Variants in CAMKMT observed in about 807,000 individuals in gnomAD.
CAMKMT encodes the protein CaM KMT.
In CAMKMT, 53 loss-of-function variants were observed where a neutral mutation model predicts 48.0. The observed-to-expected ratio is 1.10, with a 90% CI of 0.89 to 1.39. CAMKMT has a LOEUF of 1.39. Among genes scored for constraint, CAMKMT ranks in the 40% most tolerant of loss-of-function variants. The pLI is 0.00. For missense variants in CAMKMT, 428 were observed against 402.7 expected, an observed-to-expected ratio of 1.06 and a Z score of -0.54; for synonymous variants, 165 against 152.3, an observed-to-expected ratio of 1.08 and a Z score of -0.61.
At chr2:44,487,273 CAT>C (rs1669260565) in intron 3 of CAMKMT, among the ~76,000 whole-genome samples, 1 of 151,382 alleles carries the variant, frequency 6.6e-6, no homozygotes, top group South Asian at 2.1e-4. Context: ...TTTCTGATAA[CAT>C]AGAGCTTAGT....
chr2:44,625,257 AT>A (rs1189419380), intron 3 of CAMKMT, among the ~76,000 whole-genome samples: 1 of 151,882 alleles, frequency 6.6e-6, no homozygotes, highest in Non-Finnish European at 1.5e-5. Context: ...CTGATGTTGA[AT>A]TTTTTTCATG....
rs192010758 is a variant in CAMKMT, at chr2:44,681,434, A to C, written c.377-22849A>C. On this transcript the variant is annotated intron_variant, in intron 3 of 10. Coordinates refer to ENST00000378494, the MANE Select transcript of CAMKMT (RefSeq NM_024766.5). ...GTCCTATTTATTAATGCAGATTTTA[A>C]CATTCTCAATGAACCACTTATCCAG... 2.0e-3 allele frequency among the ~76,000 whole-genome samples: 305 copies of C among 152,236 alleles called. 1 individual carries two copies. The highest frequency in any genetic ancestry group is 0.01 in the Middle Eastern group (3 of 294).
intron 3 of CAMKMT, among the ~76,000 whole-genome samples, chr2:44,532,335 A>T (rs554363421): frequency 7.9e-4 from 120 of 152,334 alleles, no homozygotes; most frequent in African/African-American, 2.8e-3. Context: ...TTCAAAAGGG[A>T]ATAAATCTGA....
chr2:44,760,620 A>G (rs1680578995), intron 9 of CAMKMT, among the ~76,000 whole-genome samples: 2 of 151,998 alleles, frequency 1.3e-5, no homozygotes, highest in Non-Finnish European at 2.9e-5. Context: ...CAAAAAAAAA[A>G]AAAAAAAAAG....
chr2:44,594,057 C>G (rs1053497501), intron 3 of CAMKMT, among the ~76,000 whole-genome samples: 1 of 151,792 alleles, frequency 6.6e-6, no homozygotes, highest in Non-Finnish European at 1.5e-5. Flanking sequence ...GCCACCATGC[C>G]TGGCAATTGC....
At chr2:44,568,473 G>A (rs1668728728) in intron 3 of CAMKMT, among the ~76,000 whole-genome samples, 1 of 152,180 alleles carries the variant, frequency 6.6e-6, no homozygotes, top group Admixed American at 6.5e-5. Flanking sequence ...TCATGTCCAT[G>A]CAGAGGTCAC....
At chr2:44,388,018 C>T (rs1465101640) in intron 2 of CAMKMT, among the ~76,000 whole-genome samples, 1 of 152,140 alleles carries the variant, frequency 6.6e-6, no homozygotes, top group Non-Finnish European at 1.5e-5. Flanking sequence ...GGGTGATGAT[C>T]CTTTTGTGAT....
At chr2:44,492,141 A>G (rs1669539123) in intron 3 of CAMKMT, among the ~76,000 whole-genome samples, 1 of 152,178 alleles carries the variant, frequency 6.6e-6, no homozygotes. Context: ...ATGAGGATTA[A>G]TGAAATTATG....
At position 44,372,748 on chromosome 2, in the gene CAMKMT, G is replaced by A. The variant is rs766580975; in HGVS notation, c.171G>A (p.Leu57=). 2.0e-5 allele frequency: 33 copies of A among 1,613,180 alleles called. No individual in the cohort carries two copies. In the South Asian group the frequency reaches 2.4e-4, roughly 12 times the overall value. The part of the protein sequence containing the change: ...VLKQKHLDDC[L]RHVSVRRFES... ...AGCAAAAACACCTGGATGATTGCCT[G>A]CGACATGTATCTGTAAGAAGATTTG... The change falls in exon 2 of 11, where the codon CTG becomes CTA. Residue 57 remains leucine, a synonymous_variant. Transcript: ENST00000378494.
chr2:44,742,533 A>AT (rs1679735345), intron 7 of CAMKMT, among the ~76,000 whole-genome samples: 1 of 152,188 alleles, frequency 6.6e-6, no homozygotes. Context: ...AGGACCTGAC[A>AT]CACAGTGAGG....
intron 3 of CAMKMT, among the ~76,000 whole-genome samples, chr2:44,617,632 G>C (rs1165924433): frequency 6.6e-6 from 1 of 152,176 alleles, no homozygotes; most frequent in Non-Finnish European, 1.5e-5. Flanking sequence ...TGCACGATGG[G>C]CTCACTGAGC....
chr2:44,714,040 C>T (rs1283445837), intron 6 of CAMKMT, among the ~76,000 whole-genome samples: 1 of 152,070 alleles, frequency 6.6e-6, no homozygotes, highest in Admixed American at 6.6e-5. Flanking sequence ...AGGCTTCTTA[C>T]CATGACACAT....
chr2:44,393,332 T>C (rs1365403100), intron 3 of CAMKMT: 1 of 152,244 alleles, frequency 6.6e-6, no homozygotes, highest in Non-Finnish European at 1.5e-5. Context: ...TTTTATATTT[T>C]TGAGGTAACT....
chr2:44,546,730 G>A (rs1414931741), intron 3 of CAMKMT, among the ~76,000 whole-genome samples: 1 of 152,204 alleles, frequency 6.6e-6, no homozygotes, highest in East Asian at 1.9e-4. Flanking sequence ...GGTCAGGCAT[G>A]AAATGATTTA....
chr2:44,475,568 G>A (rs1640782867), intron 3 of CAMKMT, among the ~76,000 whole-genome samples: 1 of 152,040 alleles, frequency 6.6e-6, no homozygotes. Flanking sequence ...CGCCCGTCTT[G>A]GCTCCCAAAG....
At chr2:44,748,689 G>A (rs974964996) in intron 8 of CAMKMT, among the ~76,000 whole-genome samples, 15 of 151,920 alleles carry the variant, frequency 9.9e-5, no homozygotes, top group African/African-American at 3.4e-4. Context: ...TGGCTAACAC[G>A]GTGAAACCCC....
chr2:44,419,931 C>G (rs1447670881), intron 3 of CAMKMT, among the ~76,000 whole-genome samples: 1 of 152,094 alleles, frequency 6.6e-6, no homozygotes, highest in Non-Finnish European at 1.5e-5. Context: ...AAAGAGTCGT[C>G]TCACAGTCAT....
intron 6 of CAMKMT, among the ~76,000 whole-genome samples, chr2:44,712,027 C>G (rs1484744162): frequency 2.6e-5 from 4 of 152,132 alleles, no homozygotes; most frequent in Non-Finnish European, 5.9e-5. Context: ...ATAAAGGCCT[C>G]TCATCCACGA....
At chr2:44,659,619 G>A (rs112235793) in intron 3 of CAMKMT, among the ~76,000 whole-genome samples, 102 of 150,952 alleles carry the variant, frequency 6.8e-4, no homozygotes, top group African/African-American at 2.1e-3. Context: ...AAATAAGAAC[G>A]AAATAATAAA....
Sources: allele counts gnomAD v4.1 joint callset (sites outside exome capture counted in the v4.1 genomes callset), GRCh38; gene constraint gnomAD v4.1.1; transcripts MANE v1.5; gene names NCBI Gene and HGNC (gene_info 2026-07-23, HGNC 2026-07-21).